NR1D2: variants seen among roughly 807,000 people sequenced by gnomAD.
The protein encoded by NR1D2 is V-erbA-related protein 1-related.
In NR1D2, 25 loss-of-function variants were observed where a neutral mutation model predicts 52.2. The ratio of observed to expected loss-of-function variants is 0.48; its 90% CI spans 0.35 to 0.67. NR1D2 has a LOEUF of 0.67. NR1D2 is among the 30% of genes least tolerant of loss of function. The pLI is 0.01. For synonymous variants in NR1D2, 259 were observed against 230.1 expected (o/e 1.13, Z -1.14); for missense variants, 681 against 707.2 (o/e 0.96, Z 0.42).
rs532356368 is a variant in NR1D2 at position 23,961,966 on chromosome 3, T to C, written c.518-11T>C. 2.2e-4 allele frequency: 339 copies of C among 1,568,442 alleles called. 7 individuals are homozygous for C. The South Asian group carries it at 3.6e-3, about 17-fold the overall frequency. ...TAGAATATAGACGTTAAATATCTTT[T>C]TCTTCAATAGCTGTTCGGTTTGGTC... is the stretch of plus-strand genomic sequence containing the variant. On this transcript the variant is annotated splice_polypyrimidine_tract_variant and intron_variant, in intron 4 of 7. Coordinates refer to ENST00000312521, the MANE Select transcript of NR1D2 (RefSeq NM_005126.5).
At chr3:23,962,750 C>A in intron 5 of NR1D2, 145 bp downstream of exon 5, 1 of 730,298 alleles carries the variant, frequency 1.4e-6, no homozygotes. Context: ...TATTTTAGGT[C>A]AAATAATTTT....
At position 23,978,194 on chromosome 3, in the gene NR1D2, A is replaced by G. The variant is rs1214336725; in HGVS notation, c.*775A>G. ...GTATCCTACTGATACACACGTATTC[A>G]AAGTTTATGGGTACAACAAAGACAT... On this transcript the variant is annotated 3_prime_UTR_variant, in exon 8 of 8. Coordinates refer to ENST00000312521, the MANE Select transcript of NR1D2 (RefSeq NM_005126.5). 3 of 152,186 alleles carry G rather than the reference A, an allele frequency of 2.0e-5. No homozygotes were observed. The highest frequency in any genetic ancestry group is 2.0e-4 in the Admixed American group (3 of 15,278). 9.4% of individuals were successfully genotyped at this position (152,186 alleles called of 1,614,324 possible).
intron 1 of NR1D2, among the ~76,000 whole-genome samples, chr3:23,952,373 T>C (rs1265348657): frequency 3.3e-5 from 5 of 152,056 alleles, no homozygotes; most frequent in Admixed American, 6.6e-5. Flanking sequence ...GTGATATTTT[T>C]GTCTTAAAAA....
At chr3:23,948,063 G>A (rs1453579750) in intron 1 of NR1D2, among the ~76,000 whole-genome samples, 1 of 151,400 alleles carries the variant, frequency 6.6e-6, no homozygotes, top group Non-Finnish European at 1.5e-5. Context: ...ATTGCAGTGA[G>A]CCGACATCGC....
intron 1 of NR1D2, among the ~76,000 whole-genome samples, chr3:23,953,631 C>T (rs1706004460): frequency 6.6e-6 from 1 of 152,082 alleles, no homozygotes; most frequent in Non-Finnish European, 1.5e-5. Context: ...AGTGGATAGC[C>T]ACATATGTCT....
chr3:23,946,009 G>C, intron 1 of NR1D2: 5 of 700,916 alleles, frequency 7.1e-6, no homozygotes, highest in Non-Finnish European at 8.8e-6. Context: ...CCCCGGGGCC[G>C]CAGGGACACG....
intron 6 of NR1D2, among the ~76,000 whole-genome samples, chr3:23,965,501 GC>G (rs1359185919): frequency 6.6e-6 from 1 of 151,430 alleles, no homozygotes; most frequent in Non-Finnish European, 1.5e-5. Context: ...GCCCACTTTG[GC>G]CTCCTAAAGT....
chr3:23,959,414 AAG>A (rs1325673899), intron 3 of NR1D2, among the ~76,000 whole-genome samples: 4 of 152,108 alleles, frequency 2.6e-5, no homozygotes, highest in African/African-American at 7.2e-5. Context: ...GGTAAGGACA[AAG>A]AATCTCTGAA....
At chr3:23,950,548 A>G (rs1705896714) in intron 1 of NR1D2, among the ~76,000 whole-genome samples, 1 of 152,208 alleles carries the variant, frequency 6.6e-6, no homozygotes, top group Admixed American at 6.5e-5. Context: ...AATTTAACCC[A>G]TTTGGGTTGC....
chr3:23,946,646 G>A (rs969592372), intron 1 of NR1D2: 1 of 152,204 alleles, frequency 6.6e-6, no homozygotes, highest in Non-Finnish European at 1.5e-5. Context: ...TGGTCAGGAT[G>A]ACTCAGGTGA....
At chr3:23,966,240 G>T (rs892081562) in intron 6 of NR1D2, among the ~76,000 whole-genome samples, 2 of 152,202 alleles carry the variant, frequency 1.3e-5, no homozygotes, top group African/African-American at 2.4e-5. Context: ...AGTGAGCCAG[G>T]GCTATATTTT....
intron 1 of NR1D2, among the ~76,000 whole-genome samples, chr3:23,951,850 G>C (rs560947006): frequency 1.3e-5 from 2 of 152,334 alleles, no homozygotes; most frequent in South Asian, 4.1e-4. Flanking sequence ...TTGAGGATAT[G>C]TATTTTACAT....
Position 23,968,032 on chromosome 3 carries a change from G to A in NR1D2, c.1543+9G>A, listed in dbSNP as rs1268997411. 6.2e-7 allele frequency: 1 copy of A among 1,612,896 alleles called. No individual in the cohort carries two copies. Among genetic ancestry groups the A allele is most frequent in the Non-Finnish European group, 8.5e-7 (1 of 1,178,890 alleles). ...TGTCCTGGTATCTGCAGGTAAGCAA[G>A]CTGGTTCAAAATTGTGCCACACCTA... On this transcript the variant is annotated intron_variant, in intron 7 of 7. Coordinates refer to ENST00000312521, the MANE Select transcript of NR1D2 (RefSeq NM_005126.5).
rs191637785 is a variant in NR1D2 at position 23,952,911 on chromosome 3, A to T, written c.17-1626A>T. Among the ~76,000 whole-genome samples the T allele has an allele frequency of 1.7e-3, 252 of 150,984 alleles. 1 individual carries two copies. Among genetic ancestry groups the T allele is most frequent in the African/African-American group, 5.9e-3 (244 of 41,182 alleles). On this transcript the variant is annotated intron_variant, in intron 1 of 7. Transcript: ENST00000312521. Reference sequence around the variant, plus strand: ...ATTGGTGCTTAAAAACACATCTGATATCTACTACATGACAGACTAAAAGTG... The same window carrying T: ...ATTGGTGCTTAAAAACACATCTGATTTCTACTACATGACAGACTAAAAGTG...
chr3:23,945,575 C>T lies in NR1D2; in HGVS notation c.-4C>T. ...GCGGCCCCGGCCGCCTCCGCGAGGG[C>T]ACCATGGAGGTGAATGCAGGTAAGA... On this transcript the variant is annotated 5_prime_UTR_variant, in exon 1 of 8. Transcript: ENST00000312521. 1.7e-6 allele frequency: 2 copies of T among 1,171,548 alleles called. No homozygotes were observed. Among genetic ancestry groups the T allele is most frequent in the Non-Finnish European group, 2.1e-6 (2 of 941,910 alleles). The allele number at this position is 1,171,548 out of a possible 1,614,324, so 72.6% of individuals were successfully genotyped here. A position where few individuals can be genotyped will look rare whatever the true frequency, so the allele number is the denominator to read the frequency against.
At chr3:23,960,664 G>A (rs1405681700) in intron 4 of NR1D2, among the ~76,000 whole-genome samples, 1 of 152,132 alleles carries the variant, frequency 6.6e-6, no homozygotes, top group Non-Finnish European at 1.5e-5. Flanking sequence ...TTCAGCAATT[G>A]ATGTTTTGTT....
At chr3:23,954,454 A>G in intron 1 of NR1D2, 83 bp from the exon 2 acceptor site, 3 of 1,158,284 alleles carry the variant, frequency 2.6e-6, no homozygotes, top group South Asian at 1.4e-5. Context: ...TCTAAAGTTA[A>G]TGGCTTTACT....
At chr3:23,975,542 C>T (rs577984425) in intron 7 of NR1D2, among the ~76,000 whole-genome samples, 14 of 152,196 alleles carry the variant, frequency 9.2e-5, no homozygotes, top group South Asian at 4.1e-4. Flanking sequence ...GAGGCCGAGG[C>T]GGGTGGATCA....
At chr3:23,960,729 A>G (rs932199382) in intron 4 of NR1D2, among the ~76,000 whole-genome samples, 4 of 152,222 alleles carry the variant, frequency 2.6e-5, no homozygotes, top group Non-Finnish European at 5.9e-5. Flanking sequence ...TGCTATAAAA[A>G]TAGTTGATGG....
Sources: allele counts gnomAD v4.1 joint callset (sites outside exome capture counted in the v4.1 genomes callset), GRCh38; gene constraint gnomAD v4.1.1; transcripts MANE v1.5; gene names NCBI Gene and HGNC (gene_info 2026-07-23, HGNC 2026-07-21).